Variants in WDR27 observed in about 807,000 individuals in gnomAD.
WDR27 encodes the protein WD repeat-containing protein 27.
A neutral mutation model predicts 114.4 loss-of-function variants in WDR27; 100 were observed. The observed-to-expected ratio is 0.87, with a 90% confidence interval of 0.74 to 1.03. The LOEUF is 1.03. Among genes scored for constraint, WDR27 ranks in the 50% least tolerant of loss-of-function variants. The pLI is 0.00. For missense variants in WDR27, 1,129 were observed against 1,092.9 expected (o/e 1.03, Z -0.47); for synonymous variants, 449 against 423.1 (o/e 1.06, Z -0.75).
rs79764306 is a variant in WDR27, at chr6:169,590,067, A to G, written c.2425-7133T>C. On this transcript the variant is annotated intron_variant, in intron 23 of 25. Transcript: ENST00000448612. Reference sequence around the variant, plus strand: ...AATGTTTTTACAAAAATTGTAAGGGACTGAATGTACTACTGAAGAAGAGAA... The same window carrying G: ...AATGTTTTTACAAAAATTGTAAGGGGCTGAATGTACTACTGAAGAAGAGAA... Among the ~76,000 whole-genome samples, 1,511 of 152,354 alleles carry G rather than the reference A, an allele frequency of 9.9e-3. 21 individuals carry two copies. Among genetic ancestry groups the G allele is most frequent in the East Asian group, 0.043 (222 of 5,192 alleles).
intron 25 of WDR27, among the ~76,000 whole-genome samples, chr6:169,531,305 G>A (rs1221367167): frequency 1.3e-5 from 2 of 152,026 alleles, no homozygotes; most frequent in Non-Finnish European, 2.9e-5. Flanking sequence ...GAGTTCATTC[G>A]TGTTGATTCC....
chr6:169,617,926 G>A (rs1178654451), intron 21 of WDR27, among the ~76,000 whole-genome samples: 1 of 152,120 alleles, frequency 6.6e-6, no homozygotes, highest in Non-Finnish European at 1.5e-5. Context: ...TGATTTGGGG[G>A]CTGTTCTTCA....
At chr6:169,595,640 C>T (rs1806632731) in intron 23 of WDR27, among the ~76,000 whole-genome samples, 1 of 152,172 alleles carries the variant, frequency 6.6e-6, no homozygotes, top group Non-Finnish European at 1.5e-5. Context: ...CAGTTTTGTA[C>T]TATTAAACTA....
downstream of WDR27, among the ~76,000 whole-genome samples, chr6:169,454,402 A>G (rs1265183027): frequency 1.3e-5 from 2 of 151,914 alleles, no homozygotes; most frequent in African/African-American, 4.8e-5. Context: ...TGGGTACATG[A>G]CTCACACAGG....
At chr6:169,603,206 C>G (rs185831091) in intron 22 of WDR27, among the ~76,000 whole-genome samples, 1 of 150,126 alleles carries the variant, frequency 6.7e-6, no homozygotes, top group Admixed American at 6.7e-5. Context: ...CTAGAGTGCA[C>G]TGTTGCAATG....
At chr6:169,437,761 A>G in the WDR27 span, among the ~76,000 whole-genome samples, 662 of 152,340 alleles carry the variant, frequency 4.3e-3, 4 homozygotes, top group Middle Eastern at 0.031. Context: ...CAATTTTTAT[A>G]GAACAACACT....
the WDR27 span, among the ~76,000 whole-genome samples, chr6:169,439,864 A>ATATTATATTGGTAGTTATATTACCAATAT: frequency 5.1e-3 from 759 of 147,852 alleles, 7 homozygotes; most frequent in African/African-American, 0.016. Flanking sequence ...TATATTACCA[A>ATATTATATTGGTAGTTATATTACCAATAT]TATTATATTG....
chr6:169,657,289 A>G (rs1409128691), intron 13 of WDR27, among the ~76,000 whole-genome samples: 1 of 152,244 alleles, frequency 6.6e-6, no homozygotes, highest in Admixed American at 6.5e-5. Flanking sequence ...CTGATTTCAA[A>G]AAGTCTGGTA....
At chr6:169,599,632 C>T (rs1282909671) in intron 23 of WDR27, among the ~76,000 whole-genome samples, 1 of 152,050 alleles carries the variant, frequency 6.6e-6, no homozygotes, top group African/African-American at 2.4e-5. Flanking sequence ...TTTATTGCAT[C>T]TATTTGATTC....
the WDR27 span, among the ~76,000 whole-genome samples, chr6:169,435,325 C>G: frequency 1.3e-5 from 2 of 152,184 alleles, no homozygotes; most frequent in South Asian, 4.1e-4. Flanking sequence ...GGGGCATTGC[C>G]TAGTGGAGCT....
Position 169,514,939 on chromosome 6 carries a change from TTAG to T in WDR27, c.2646-57308_2646-57306del, listed in dbSNP as rs540416434. ...AATAAATCTACAGCAAACATCAAAC[TTAG>T]TGGTGAAATGTTGAGAGCTTTCCCT... On this transcript the variant is annotated intron_variant, in intron 25 of 25. Transcript: ENST00000448612. Among the ~76,000 whole-genome samples the T allele has an allele frequency of 4.3e-3, 650 of 151,930 alleles. 3 individuals are homozygous for T. The highest frequency in any genetic ancestry group is 0.015 in the African/African-American group (629 of 41,440).
intron 25 of WDR27, among the ~76,000 whole-genome samples, chr6:169,518,522 G>A (rs957178417): frequency 6.6e-6 from 1 of 152,232 alleles, no homozygotes; most frequent in Non-Finnish European, 1.5e-5. Context: ...GCTGTGGCTG[G>A]AGCTAGAATG....
intron 13 of WDR27, among the ~76,000 whole-genome samples, chr6:169,654,303 C>T (rs943500362): frequency 6.6e-6 from 1 of 152,194 alleles, no homozygotes; most frequent in African/African-American, 2.4e-5. Flanking sequence ...AAAGCTCTCC[C>T]TAGCTCATTC....
chr6:169,455,817 T>C (rs1784323922), downstream of WDR27, among the ~76,000 whole-genome samples: 2 of 152,274 alleles, frequency 1.3e-5, no homozygotes, highest in South Asian at 4.1e-4. Context: ...TTCCTAGCAG[T>C]GGCTTTGCCA....
chr6:169,679,612 C>G (rs1462152885), intron 2 of WDR27, among the ~76,000 whole-genome samples: 1 of 152,162 alleles, frequency 6.6e-6, no homozygotes, highest in Non-Finnish European at 1.5e-5. Flanking sequence ...GGCACCTCCT[C>G]CTGACCACTT....
rs748380999 is a variant in WDR27, at chr6:169,667,202, A to C, written c.661-15T>G. 3 of 1,503,938 alleles carry C rather than the reference A, an allele frequency of 2.0e-6. No homozygotes were observed. The allele number at this position is 1,503,938 out of a possible 1,614,324, so 93.2% of individuals were successfully genotyped here. A position where few individuals can be genotyped will look rare whatever the true frequency, so the allele number is the denominator to read the frequency against. On this transcript the variant is annotated splice_polypyrimidine_tract_variant and intron_variant, in intron 5 of 25. Coordinates refer to ENST00000448612, the MANE Select transcript of WDR27 (RefSeq NM_182552.5). ...TGGTCCCAGACCTTTGGATAAACAC[A>C]GGATTCTTTAGAAGAGGTAACAACG...
chr6:169,553,301 C>T (rs545973975), intron 25 of WDR27, among the ~76,000 whole-genome samples: 4 of 152,206 alleles, frequency 2.6e-5, no homozygotes, highest in East Asian at 3.9e-4. Context: ...CCTGCCCATC[C>T]GCAAGCCATT....
At chr6:169,602,830 C>CTT (rs551964287) in intron 22 of WDR27, among the ~76,000 whole-genome samples, 1 of 145,806 alleles carries the variant, frequency 6.9e-6, no homozygotes. Context: ...AAAGATAATT[C>CTT]TTTTTTTTTT....
intron 21 of WDR27, 69 bp from the exon 22 acceptor site, chr6:169,613,725 A>G (rs939342492): frequency 7.6e-7 from 1 of 1,314,846 alleles, no homozygotes; most frequent in Non-Finnish European, 1.1e-6. Context: ...TGCTAATGAT[A>G]TCTCATAATA....
Sources: gnomAD v4.1 joint callset for allele counts (sites outside exome capture counted in the v4.1 genomes callset) on GRCh38, gnomAD v4.1.1 for gene constraint, MANE v1.5 for transcripts, NCBI Gene and HGNC (gene_info 2026-07-23, HGNC 2026-07-21) for gene names.